The following ANKS1B variants were observed in gnomAD, a reference collection of about 807,000 sequenced individuals.
ANKS1B encodes the protein ankyrin repeat and sterile alpha motif domain-containing protein 1B.
Under a neutral mutation model 148.3 loss-of-function variants are expected in ANKS1B, and 36 were observed. The ratio of observed to expected loss-of-function variants is 0.24; its 90% confidence interval spans 0.19 to 0.32. The LOEUF is 0.32. ANKS1B is among the 10% of genes least tolerant of loss of function. The pLI is 1.00. For synonymous variants in ANKS1B, 542 were observed against 560.8 expected, an observed-to-expected ratio of 0.97 and a Z score of 0.47; for missense variants, 1,157 against 1,542.6, an observed-to-expected ratio of 0.75 and a Z score of 4.19.
chr12:99,219,946 C>A (rs976603200), intron 14 of ANKS1B, among the ~76,000 whole-genome samples: 2 of 152,172 alleles, frequency 1.3e-5, no homozygotes, highest in Non-Finnish European at 2.9e-5. Context: ...TATTGGAGTA[C>A]CAACAAGGAC....
At chr12:99,180,538 G>A (rs2153853941) in intron 14 of ANKS1B, among the ~76,000 whole-genome samples, 1 of 151,820 alleles carries the variant, frequency 6.6e-6, no homozygotes, top group East Asian at 1.9e-4. Flanking sequence ...TTGTTTCTTA[G>A]GTAATCAAGG....
chr12:99,811,894 T>C (rs1309301405), intron 3 of ANKS1B, among the ~76,000 whole-genome samples: 1 of 151,904 alleles, frequency 6.6e-6, no homozygotes, highest in Non-Finnish European at 1.5e-5. Context: ...AAATGGCTGA[T>C]TATATAAGAC....
At chr12:99,598,377 C>T (rs539691614) in intron 9 of ANKS1B, among the ~76,000 whole-genome samples, 43 of 152,168 alleles carry the variant, frequency 2.8e-4, no homozygotes, top group African/African-American at 9.9e-4. Flanking sequence ...ATTCTATTTG[C>T]AAGCTATCAT....
intron 8 of ANKS1B, among the ~76,000 whole-genome samples, chr12:99,669,094 T>A (rs1486846373): frequency 1.3e-5 from 2 of 152,190 alleles, no homozygotes; most frequent in African/African-American, 2.4e-5. Context: ...ACAAATTCTA[T>A]CAAATCTGTA....
At chr12:99,912,880 G>A (rs1206805928) in intron 1 of ANKS1B, among the ~76,000 whole-genome samples, 1 of 152,054 alleles carries the variant, frequency 6.6e-6, no homozygotes, top group Non-Finnish European at 1.5e-5. Flanking sequence ...GAGCTTATTA[G>A]TTTTGTTTAC....
intron 8 of ANKS1B, among the ~76,000 whole-genome samples, chr12:99,697,079 C>T (rs1354678518): frequency 6.6e-6 from 1 of 152,160 alleles, no homozygotes; most frequent in Non-Finnish European, 1.5e-5. Flanking sequence ...ACTGACAACA[C>T]CAAATGCTGG....
chr12:99,806,382 G>A (rs374427655), intron 4 of ANKS1B, 22 bp downstream of exon 4: 33 of 1,610,480 alleles, frequency 2.0e-5, no homozygotes, highest in Non-Finnish European at 2.6e-5. Flanking sequence ...CACTTTTAAA[G>A]CATAGCTAAA....
At chr12:98,949,419 A>C (rs1483555125) in intron 17 of ANKS1B, among the ~76,000 whole-genome samples, 1 of 152,158 alleles carries the variant, frequency 6.6e-6, no homozygotes, top group Admixed American at 6.5e-5. Flanking sequence ...TAAAAAAGGA[A>C]GCTCAAAACT....
intron 14 of ANKS1B, among the ~76,000 whole-genome samples, chr12:99,207,699 A>G (rs1405097894): frequency 6.6e-6 from 1 of 152,098 alleles, no homozygotes; most frequent in Non-Finnish European, 1.5e-5. Flanking sequence ...AGAAATAATA[A>G]AGGAAGTAAC....
chr12:99,825,308 C>G lies in ANKS1B; in HGVS notation c.215+1G>C. ...ATTCCGTCCAAATAAGTGGCACTTA[C>G]TTATGTCCATTTAAGGCTGCGTGGT... On this transcript the variant is annotated splice_donor_variant, in intron 2 of 26. Transcript: ENST00000683438. LOFTEE classifies it high-confidence loss of function. The G allele has an allele frequency of 6.2e-7, 1 of 1,611,070 alleles. No homozygotes were observed. Among genetic ancestry groups the G allele is most frequent in the South Asian group, 1.1e-5 (1 of 90,496 alleles).
At chr12:99,177,385 C>G (rs892180332) in intron 14 of ANKS1B, among the ~76,000 whole-genome samples, 62 of 152,032 alleles carry the variant, frequency 4.1e-4, no homozygotes, top group African/African-American at 1.5e-3. Flanking sequence ...ATGAGCAGAA[C>G]AGTTGTTAAG....
chr12:99,295,369 T>C (rs1165765925), intron 12 of ANKS1B, among the ~76,000 whole-genome samples: 5 of 152,204 alleles, frequency 3.3e-5, no homozygotes, highest in Non-Finnish European at 7.4e-5. Flanking sequence ...TAGGTGTCCA[T>C]TAAATCTTTT....
chr12:99,194,714 G>A (rs2081178878), intron 14 of ANKS1B, among the ~76,000 whole-genome samples: 1 of 152,038 alleles, frequency 6.6e-6, no homozygotes, highest in African/African-American at 2.4e-5. Flanking sequence ...AGCAATTATT[G>A]TTTGATATTC....
intron 14 of ANKS1B, chr12:99,154,968 A>T (rs1242606735): frequency 1.3e-6 from 2 of 1,535,182 alleles, no homozygotes; most frequent in Non-Finnish European, 1.7e-6. Context: ...CCTCCTACAC[A>T]CCCATCCAAG....
intron 12 of ANKS1B, among the ~76,000 whole-genome samples, chr12:99,353,908 C>T (rs1214847570): frequency 6.6e-6 from 1 of 151,978 alleles, no homozygotes; most frequent in Non-Finnish European, 1.5e-5. Flanking sequence ...GTTATGGAGG[C>T]CACTAGTGAA....
rs542451197 is a variant in ANKS1B, at chr12:99,305,321, T to C, written c.1757-58457A>G. Among the ~76,000 whole-genome samples the C allele has an allele frequency of 1.4e-4, 22 of 152,198 alleles. 1 individual carries two copies. Among genetic ancestry groups the C allele is most frequent in the African/African-American group, 5.3e-4 (22 of 41,538 alleles). On this transcript the variant is annotated intron_variant, in intron 12 of 26. Transcript: ENST00000683438. Reference sequence around the variant, plus strand: ...ACTATATCAGTACCTATTTTACAAATTGTATATTTCTGCTGATATCAATTT... The same window carrying C: ...ACTATATCAGTACCTATTTTACAAACTGTATATTTCTGCTGATATCAATTT...
rs1035503584 is a variant in ANKS1B, at chr12:99,524,012, G to C, written c.1273-19371C>G. Among the ~76,000 whole-genome samples, 13 of 152,260 alleles carry C rather than the reference G, an allele frequency of 8.5e-5. 1 individual carries two copies. Among genetic ancestry groups the C allele is most frequent in the African/African-American group, 2.9e-4 (12 of 41,546 alleles). On this transcript the variant is annotated intron_variant, in intron 9 of 26. Transcript: ENST00000683438. ...TTCCTGAATTTTTTCTGATAATGGGGGAAGTAACACTAATACAAGAGTGTG... is the reference window on the plus strand; with the variant it reads ...TTCCTGAATTTTTTCTGATAATGGGCGAAGTAACACTAATACAAGAGTGTG...
chr12:99,275,014 C>T (rs1181830795), intron 12 of ANKS1B, among the ~76,000 whole-genome samples: 1 of 152,094 alleles, frequency 6.6e-6, no homozygotes, highest in Admixed American at 6.5e-5. Flanking sequence ...CCTCCTATGA[C>T]CCTAGTCTTG....
At chr12:99,318,731 C>G (rs1276016975) in intron 12 of ANKS1B, among the ~76,000 whole-genome samples, 1 of 151,426 alleles carries the variant, frequency 6.6e-6, no homozygotes, top group African/African-American at 2.4e-5. Context: ...TGTGTTTGTT[C>G]TTGCTTCTCT....
Sources: gnomAD v4.1 joint callset for allele counts (sites outside exome capture counted in the v4.1 genomes callset) on GRCh38, gnomAD v4.1.1 for gene constraint, MANE v1.5 for transcripts, NCBI Gene and HGNC (gene_info 2026-07-23, HGNC 2026-07-21) for gene names.